MYO9B: variants seen among roughly 807,000 people sequenced by gnomAD.
MYO9B encodes myosin IXB.
In MYO9B, 71 loss-of-function variants were observed where a neutral mutation model predicts 229.5. That is an observed-to-expected ratio of 0.31 (90% confidence interval 0.26 to 0.38). The LOEUF (loss-of-function observed/expected upper bound fraction) is 0.38, where lower values mean the gene tolerates loss of function less well. MYO9B is among the 10% of genes least tolerant of loss of function. The pLI is 1.00. For synonymous variants in MYO9B, 1,185 were observed against 1,235.8 expected, an observed-to-expected ratio of 0.96 and a Z score of 0.86; for missense variants, 2,255 against 2,920.5, an observed-to-expected ratio of 0.77 and a Z score of 5.25.
Position 17,205,302 on chromosome 19 carries a change from T to C in MYO9B, c.5030T>C (p.Ile1677Thr), listed in dbSNP as rs2073147926. Reference sequence around the variant, plus strand: ...TGCCACAAGAAGTGCGTGCACAAGATTCAGAGCCACTGCTCCTACACCTAC... The same window carrying C: ...TGCCACAAGAAGTGCGTGCACAAGACTCAGAGCCACTGCTCCTACACCTAC... Reference protein sequence around the residue: ...MTCHKKCVHKIQSHCSYTYGR... With the variant: ...MTCHKKCVHKTQSHCSYTYGR... The change falls in exon 31 of 40, where the codon ATT becomes ACT. Residue 1677 changes from isoleucine to threonine, a missense_variant. This residue lies in a region of MYO9B where 416 missense variants were observed against 605.5 expected (regional missense o/e 0.69). Transcript: ENST00000682292. 5 of 1,613,794 alleles carry C rather than the reference T, an allele frequency of 3.1e-6. No homozygotes were observed. In the East Asian group the frequency reaches 1.1e-4, roughly 36 times the overall value.
Position 17,200,438 on chromosome 19 carries a change from G to A in MYO9B, c.4372+12G>A, listed in dbSNP as rs1162769295. The A allele has an allele frequency of 6.4e-7, 1 of 1,562,700 alleles. No homozygotes were observed. Among genetic ancestry groups the A allele is most frequent in the South Asian group, 1.2e-5 (1 of 85,506 alleles). On this transcript the variant is annotated intron_variant, in intron 25 of 39. Transcript: ENST00000682292. Reference sequence around the variant, plus strand: ...GAAGGGCCTGGAAGGTTGGTAGCCTGCAGCCTCAGGGACAGACAGTAGAGC... The same window carrying A: ...GAAGGGCCTGGAAGGTTGGTAGCCTACAGCCTCAGGGACAGACAGTAGAGC...
intron 1 of MYO9B, among the ~76,000 whole-genome samples, chr19:17,090,431 G>A (rs1046061676): frequency 4.6e-5 from 7 of 152,154 alleles, no homozygotes; most frequent in Non-Finnish European, 1.0e-4. Context: ...GATTAGAGGC[G>A]TGAGCCGCCT....
intron 22 of MYO9B, among the ~76,000 whole-genome samples, chr19:17,196,758 G>A (rs2145468806): frequency 6.6e-6 from 1 of 152,106 alleles, no homozygotes; most frequent in Non-Finnish European, 1.5e-5. Context: ...AAGGAAGATA[G>A]GTAGGTAGAG....
chr19:17,197,078 C>A (rs1407808029), intron 22 of MYO9B, among the ~76,000 whole-genome samples: 1 of 151,940 alleles, frequency 6.6e-6, no homozygotes, highest in Admixed American at 6.6e-5. Flanking sequence ...GAGTTTGAGA[C>A]CATCCTGGCC....
intron 20 of MYO9B, 103 bp downstream of exon 20, chr19:17,191,322 GC>G: frequency 7.3e-7 from 1 of 1,361,772 alleles, no homozygotes; most frequent in Admixed American, 2.6e-5. Flanking sequence ...AACATACAGG[GC>G]TCTGTCTAGG....
At chr19:17,118,030 C>T (rs912661487) in intron 2 of MYO9B, among the ~76,000 whole-genome samples, 9 of 151,598 alleles carry the variant, frequency 5.9e-5, no homozygotes, top group Middle Eastern at 3.4e-3. Context: ...ATTCTGCCAT[C>T]GGTTGATGTT....
chr19:17,206,573 C>T (rs1227107529), intron 33 of MYO9B, 106 bp from the exon 34 acceptor site: 3 of 1,302,406 alleles, frequency 2.3e-6, no homozygotes, highest in African/African-American at 2.9e-5. Context: ...CTTGCCTGGG[C>T]ACCACAGGGT....
chr19:17,119,369 G>C (rs1288608086), intron 2 of MYO9B, among the ~76,000 whole-genome samples: 1 of 152,158 alleles, frequency 6.6e-6, no homozygotes, highest in East Asian at 1.9e-4. Flanking sequence ...TCTCTTCAGC[G>C]ACCCTGTGTT....
At chr19:17,210,219 C>G (rs2073210400) in intron 36 of MYO9B, 114 bp from the exon 37 acceptor site, 2 of 1,082,274 alleles carry the variant, frequency 1.8e-6, no homozygotes, top group Non-Finnish European at 2.6e-6. Context: ...GGGCTCTGGG[C>G]TCCTGTGGGA....
At chr19:17,117,957 A>G (rs1365912107) in intron 2 of MYO9B, among the ~76,000 whole-genome samples, 1 of 149,904 alleles carries the variant, frequency 6.7e-6, no homozygotes, top group African/African-American at 2.5e-5. Context: ...AAAAAAAAAA[A>G]GAAAAGACAT....
chr19:17,182,444 G>A (rs2072872156), intron 15 of MYO9B, among the ~76,000 whole-genome samples: 1 of 151,212 alleles, frequency 6.6e-6, no homozygotes, highest in Non-Finnish European at 1.5e-5. Context: ...TCACTCTGTC[G>A]CCAGGCTGGA....
In MYO9B at chr19:17,207,018, A is replaced by C. The variant is rs187824512; in HGVS notation, c.5493-95A>C. ...GCTGGGCTGTGGCACTGCTTTCCCA[A>C]CAGCCACCCCAGGGCTCAGAAGTTC... On this transcript the variant is annotated intron_variant, in intron 34 of 39. Coordinates refer to ENST00000682292, the MANE Select transcript of MYO9B (RefSeq NM_004145.4). The C allele has an allele frequency of 5.3e-6, 8 of 1,505,328 alleles. No individual in the cohort carries two copies. In the Admixed American group the frequency reaches 1.2e-4, roughly 22 times the overall value. 93.2% of individuals were successfully genotyped at this position (1,505,328 alleles called of 1,614,324 possible).
chr19:17,080,248 C>A (rs868116584), intron 1 of MYO9B, among the ~76,000 whole-genome samples: 1 of 152,162 alleles, frequency 6.6e-6, no homozygotes, highest in South Asian at 2.1e-4. Context: ...TTGCTGGGTG[C>A]CTGAGTTTGC....
chr19:17,210,644 C>G lies in MYO9B; in HGVS notation c.5797-71C>G, dbSNP rs372999392. 2.1e-5 allele frequency: 31 copies of G among 1,464,994 alleles called. No homozygotes were observed. The East Asian group carries it at 4.2e-4, about 20-fold the overall frequency. The allele number at this position is 1,464,994 out of a possible 1,614,324, so 90.7% of individuals were successfully genotyped here. A position where few individuals can be genotyped will look rare whatever the true frequency, so the allele number is the denominator to read the frequency against. ...CACATCACAACTAACCTCCTGGGATCTGCTCACACCTCCGGCAGTAACCTC... is the reference window on the plus strand; with the variant it reads ...CACATCACAACTAACCTCCTGGGATGTGCTCACACCTCCGGCAGTAACCTC... On this transcript the variant is annotated intron_variant, in intron 37 of 39. Coordinates refer to ENST00000682292, the MANE Select transcript of MYO9B (RefSeq NM_004145.4).
At position 17,142,416 on chromosome 19, in the gene MYO9B, G is replaced by A. The variant is rs570326676; in HGVS notation, c.841-2981G>A. ...GCACAACATTGTGAATGTACTGAAT[G>A]CCACTGAATTGTACACTTTAAGAAG... On this transcript the variant is annotated intron_variant, in intron 2 of 39. Transcript: ENST00000682292. Among the ~76,000 whole-genome samples, 5 of 152,276 alleles carry A rather than the reference G, an allele frequency of 3.3e-5. No individual in the cohort carries two copies. In the South Asian group the frequency reaches 1.0e-3, roughly 32 times the overall value.
At chr19:17,148,799 G>A (rs1365088460) in intron 3 of MYO9B, among the ~76,000 whole-genome samples, 1 of 152,110 alleles carries the variant, frequency 6.6e-6, no homozygotes, top group Non-Finnish European at 1.5e-5. Context: ...GGCCAGGTTG[G>A]TCTCAAACTC....
intron 33 of MYO9B, 119 bp from the exon 34 acceptor site, chr19:17,206,560 A>G (rs111692889): frequency 3.1e-6 from 4 of 1,304,914 alleles, no homozygotes; most frequent in African/African-American, 1.5e-5. Context: ...GTAGCCATCC[A>G]TTCTTGCCTG....
chr19:17,212,455 A>G lies in MYO9B; in HGVS notation c.*145A>G. 1 of 1,048,276 alleles carries G rather than the reference A, an allele frequency of 9.5e-7. No homozygotes were observed. Among genetic ancestry groups the G allele is most frequent in the Non-Finnish European group, 1.3e-6 (1 of 771,186 alleles). 64.9% of individuals were successfully genotyped at this position (1,048,276 alleles called of 1,614,324 possible). On this transcript the variant is annotated 3_prime_UTR_variant, in exon 40 of 40. Coordinates refer to ENST00000682292, the MANE Select transcript of MYO9B (RefSeq NM_004145.4). This position sits in a 1 kb window ranked among gnomAD's most constrained non-coding sequence, Gnocchi z 5.4. ...TGACGTGAGGTGGGCACCGGCCCCA[A>G]GTGCAGAGTCAAGGCAGGGAGAGGC...
intron 13 of MYO9B, 25 bp from the exon 14 acceptor site, chr19:17,175,638 A>G: frequency 1.3e-6 from 2 of 1,542,128 alleles, no homozygotes; most frequent in Non-Finnish European, 1.7e-6. Context: ...CATCCCCACC[A>G]CCATCCACTC....
Sources: allele counts gnomAD v4.1 joint callset (sites outside exome capture counted in the v4.1 genomes callset), GRCh38; gene constraint gnomAD v4.1.1; regional missense constraint gnomAD v4.1.1; non-coding constraint Gnocchi (gnomAD v3.1); transcripts MANE v1.5; gene names NCBI Gene and HGNC (gene_info 2026-07-23, HGNC 2026-07-21).